Variants in CSNK1E observed in about 807,000 individuals in gnomAD.
The protein encoded by CSNK1E is casein kinase I isoform epsilon.
A neutral mutation model predicts 46.1 loss-of-function variants in CSNK1E; 17 were observed. The observed-to-expected ratio is 0.37, with a 90% CI of 0.25 to 0.55. The LOEUF is 0.55. CSNK1E is among the 20% of genes least tolerant of loss of function. CSNK1E has a pLI of 0.82. For missense variants in CSNK1E, 386 were observed against 595.4 expected (o/e 0.65, Z 3.66); for synonymous variants, 241 against 242.6 (o/e 0.99, Z 0.06).
At chr22:38,293,440 C>A in intron 9 of CSNK1E, 121 bp from the exon 10 acceptor site, 2 of 641,846 alleles carry the variant, frequency 3.1e-6, no homozygotes, top group South Asian at 1.8e-5. Context: ...AGGAGGTGTA[C>A]CCCCACCCCC....
Position 38,309,293 on chromosome 22 carries a change from G to C in CSNK1E, c.76+4789C>G, listed in dbSNP as rs1035303899. Among the ~76,000 whole-genome samples, 3 of 152,158 alleles carry C rather than the reference G, an allele frequency of 2.0e-5. No homozygotes were observed. Among genetic ancestry groups the C allele is most frequent in the Admixed American group, 1.3e-4 (2 of 15,286 alleles). On this transcript the variant is annotated intron_variant, in intron 2 of 10. Coordinates refer to ENST00000396832, the MANE Select transcript of CSNK1E (RefSeq NM_152221.3). The surrounding 1 kb of genome is among the most constrained non-coding windows in gnomAD (Gnocchi z 4.8). ...GCAAGAGCTGACGGTGGCCCTGCCTGGGCAGGGTGCAGAAACTGATTGACA... is the reference window on the plus strand; with the variant it reads ...GCAAGAGCTGACGGTGGCCCTGCCTCGGCAGGGTGCAGAAACTGATTGACA...
chr22:38,311,626 C>T (rs532678995), intron 2 of CSNK1E, among the ~76,000 whole-genome samples: 70 of 152,228 alleles, frequency 4.6e-4, no homozygotes, highest in African/African-American at 1.6e-3. Flanking sequence ...TTCAATAATA[C>T]GAGGGTCCTT....
chr22:38,301,121 A>G (rs2092669795), intron 4 of CSNK1E, among the ~76,000 whole-genome samples, 169 bp from the exon 5 acceptor site: 1 of 152,226 alleles, frequency 6.6e-6, no homozygotes, highest in East Asian at 1.9e-4. Context: ...AAAATGTGAC[A>G]TCAGGATGAA....
In CSNK1E at chr22:38,300,870, T is replaced by G; in HGVS notation, c.419A>C (p.Lys140Thr). Reference sequence around the variant, plus strand: ...GATGATGTAGACCAGGTTGCCCTTCTTCCCCAGCCCCATGAGGAAGTTGTC... The same window carrying G: ...GATGATGTAGACCAGGTTGCCCTTCGTCCCCAGCCCCATGAGGAAGTTGTC... ...KPDNFLMGLG[K>T]KGNLVYIIDF... is the part of the protein sequence containing the mutation. Residue 140 changes from lysine to threonine, a missense_variant, in exon 5 of 11, where the codon AAG becomes ACG. Physicochemically the swap from Lys to Thr is moderately conservative, Grantham distance 78. Around this residue, in one of 2 missense-constraint regions of CSNK1E, gnomAD observed 212 missense variants for 410.2 expected, o/e 0.52. Coordinates refer to ENST00000396832, the MANE Select transcript of CSNK1E (RefSeq NM_152221.3). This position sits in a 1 kb window ranked among gnomAD's most constrained non-coding sequence, Gnocchi z 4.4. 1 of 1,614,218 alleles carries G rather than the reference T, an allele frequency of 6.2e-7. No individual in the cohort carries two copies. Among genetic ancestry groups the G allele is most frequent in the Non-Finnish European group, 8.5e-7 (1 of 1,180,026 alleles).
chr22:38,290,872 A>G lies in CSNK1E; in HGVS notation c.*1099T>C, dbSNP rs2092605364. 6.6e-6 allele frequency: 1 copy of G among 151,894 alleles called. No individual in the cohort carries two copies. The highest frequency in any genetic ancestry group is 1.5e-5 in the Non-Finnish European group (1 of 67,936). 9.4% of individuals were successfully genotyped at this position (151,894 alleles called of 1,614,324 possible). ...TGCTCTTTAATTAAAAAAAAAAAGG[A>G]AAAAGGGGAAACAGAGGTAAATAAA... is the stretch of plus-strand genomic sequence containing the variant. On this transcript the variant is annotated 3_prime_UTR_variant, in exon 11 of 11. Coordinates refer to ENST00000396832, the MANE Select transcript of CSNK1E (RefSeq NM_152221.3).
chr22:38,293,379 T>A, intron 9 of CSNK1E, 60 bp from the exon 10 acceptor site: 1 of 1,083,816 alleles, frequency 9.2e-7, no homozygotes, highest in Non-Finnish European at 1.4e-6. Context: ...AAGCTTCAAG[T>A]CAAGTCCCTT....
In CSNK1E at chr22:38,291,807, C is replaced by A. The variant is rs1330493923; in HGVS notation, c.*164G>T. The A allele has an allele frequency of 2.0e-5, 3 of 152,146 alleles. No individual in the cohort carries two copies. 9.4% of individuals were successfully genotyped at this position (152,146 alleles called of 1,614,324 possible). A position where few individuals can be genotyped will look rare whatever the true frequency, so the allele number is the denominator to read the frequency against. On this transcript the variant is annotated 3_prime_UTR_variant, in exon 11 of 11. Coordinates refer to ENST00000396832, the MANE Select transcript of CSNK1E (RefSeq NM_152221.3). ...GTGCTGAGGGCATCTCATCTTCTTG[C>A]CATTGGCAAAGAAATCAAAGAAACA...
chr22:38,292,809 C>T (rs2145824460), intron 10 of CSNK1E: 1 of 183,420 alleles, frequency 5.5e-6, no homozygotes, highest in East Asian at 1.7e-4. Context: ...ACTACAGAGG[C>T]ATAAAAAGGG....
chr22:38,312,498 T>C (rs1310995666), intron 2 of CSNK1E, among the ~76,000 whole-genome samples: 1 of 152,210 alleles, frequency 6.6e-6, no homozygotes, highest in East Asian at 1.9e-4. Context: ...GAACACCCAC[T>C]GCGCTGGGCA....
chr22:38,307,474 C>T lies in CSNK1E; in HGVS notation c.77-4226G>A, dbSNP rs184223563. Among the ~76,000 whole-genome samples, 4 of 152,246 alleles carry T rather than the reference C, an allele frequency of 2.6e-5. No homozygotes were observed. The East Asian group carries it at 7.7e-4, about 29-fold the overall frequency. ...GCTGAGGTAGGAGAATCTCTTGAAC[C>T]TGGGAGGCGGAGGTTGCAGTGAGCC... On this transcript the variant is annotated intron_variant, in intron 2 of 10. Transcript: ENST00000396832.
chr22:38,304,731 G>A (rs1389582690), intron 2 of CSNK1E, among the ~76,000 whole-genome samples: 4 of 152,212 alleles, frequency 2.6e-5, no homozygotes, highest in Admixed American at 2.6e-4. Context: ...CAGATGCAAG[G>A]ATGAATGGAA....
rs1280939918 is a variant in CSNK1E at position 38,298,723 on chromosome 22, CCT to C, written c.885+61_885+62del. The stretch of plus-strand genomic sequence containing the variant: ...CCTCCCGCCACCAGCTCACTCTGGC[CCT>C]CTGAGTCAGGGCCTTCCCCATCCAG... On this transcript the variant is annotated intron_variant, in intron 7 of 10. Transcript: ENST00000396832. The surrounding 1 kb of genome is among the most constrained non-coding windows in gnomAD (Gnocchi z 4.2). 1 of 1,597,014 alleles carries C rather than the reference CCT, an allele frequency of 6.3e-7. No individual in the cohort carries two copies. The highest frequency in any genetic ancestry group is 8.6e-7 in the Non-Finnish European group (1 of 1,167,722).
chr22:38,295,108 C>T (rs2092633334), intron 7 of CSNK1E, among the ~76,000 whole-genome samples: 1 of 152,174 alleles, frequency 6.6e-6, no homozygotes, highest in African/African-American at 2.4e-5. Flanking sequence ...CGGGACCTGG[C>T]AATGGCTTCT....
rs930006913 is a variant in CSNK1E, at chr22:38,310,002, C to T, written c.76+4080G>A. ...TCTGAGCTCCCTTAATTCTTACAAC[C>T]GCTAAGCTGAGGTTCAGAAACGTTA... On this transcript the variant is annotated intron_variant, in intron 2 of 10. Transcript: ENST00000396832. 5.9e-5 allele frequency among the ~76,000 whole-genome samples: 9 copies of T among 152,274 alleles called. No individual in the cohort carries two copies. In the East Asian group the frequency reaches 1.5e-3, roughly 26 times the overall value.
chr22:38,292,918 T>G, intron 10 of CSNK1E: 4 of 337,432 alleles, frequency 1.2e-5, no homozygotes, highest in South Asian at 5.7e-5. Context: ...GTGGGAGAGG[T>G]CAGAGTGTGA....
intron 2 of CSNK1E, among the ~76,000 whole-genome samples, chr22:38,305,121 C>CAAAAAAAAAAA (rs33987200): frequency 1.9e-5 from 1 of 52,800 alleles, no homozygotes. Flanking sequence ...AACTCCAGCT[C>CAAAAAAAAAAA]AAAAAAAAAA....
chr22:38,305,121 CAAAAAAAAAA>C (rs33987200), intron 2 of CSNK1E, among the ~76,000 whole-genome samples: 9 of 52,802 alleles, frequency 1.7e-4, no homozygotes, highest in Non-Finnish European at 2.3e-4. Flanking sequence ...AACTCCAGCT[CAAAAAAAAAA>C]AAAAAAAAAA....
intron 1 of CSNK1E, among the ~76,000 whole-genome samples, chr22:38,315,400 C>T (rs547061109): frequency 1.1e-3 from 171 of 152,330 alleles, no homozygotes; most frequent in African/African-American, 3.8e-3. Flanking sequence ...CCAATAACCA[C>T]GAGGCAGGGA....
At chr22:38,304,755 T>C (rs1293064793) in intron 2 of CSNK1E, among the ~76,000 whole-genome samples, 2 of 152,120 alleles carry the variant, frequency 1.3e-5, no homozygotes, top group East Asian at 1.9e-4. Flanking sequence ...AGTGCCTCCA[T>C]GCGGCGGAAT....
Sources: gnomAD v4.1 joint callset for allele counts (sites outside exome capture counted in the v4.1 genomes callset) on GRCh38, gnomAD v4.1.1 for gene constraint, gnomAD v4.1.1 regional missense constraint, Gnocchi (gnomAD v3.1) non-coding constraint, MANE v1.5 for transcripts, NCBI Gene and HGNC (gene_info 2026-07-23, HGNC 2026-07-21) for gene names.